Variants in CHCHD3 observed in about 807,000 individuals in gnomAD.
CHCHD3 encodes MICOS complex subunit MIC19.
In CHCHD3, 20 loss-of-function variants were observed where a neutral mutation model predicts 38.2. That is an observed-to-expected ratio of 0.52 (90% CI 0.37 to 0.76). The LOEUF (loss-of-function observed/expected upper bound fraction) is 0.76. Among genes scored for constraint, CHCHD3 ranks in the 30% least tolerant of loss-of-function variants. The pLI, the probability that CHCHD3 is intolerant of heterozygous loss-of-function variation, is 0.00. For missense variants in CHCHD3, 245 were observed against 279.2 expected, an observed-to-expected ratio of 0.88 and a Z score of 0.87; for synonymous variants, 82 against 100.0, an observed-to-expected ratio of 0.82 and a Z score of 1.07.
At chr7:133,052,279 A>G (rs1007529730) in intron 2 of CHCHD3, among the ~76,000 whole-genome samples, 2 of 152,142 alleles carry the variant, frequency 1.3e-5, no homozygotes, top group Non-Finnish European at 2.9e-5. Context: ...CACAGCATCA[A>G]AGTATTTCCA....
intron 1 of CHCHD3, among the ~76,000 whole-genome samples, chr7:133,074,572 G>A (rs1814921921): frequency 1.3e-5 from 2 of 152,108 alleles, no homozygotes; most frequent in Non-Finnish European, 2.9e-5. Context: ...GTTACTGGCA[G>A]CATCAAGACC....
intron 2 of CHCHD3, among the ~76,000 whole-genome samples, chr7:133,031,026 G>A (rs1813486497): frequency 6.6e-6 from 1 of 152,116 alleles, no homozygotes; most frequent in Admixed American, 6.5e-5. Flanking sequence ...TTTAAGGTTT[G>A]CCTAGGAATC....
At chr7:132,855,825 C>T (rs1475349393) in intron 5 of CHCHD3, among the ~76,000 whole-genome samples, 1 of 130,698 alleles carries the variant, frequency 7.7e-6, no homozygotes, top group Admixed American at 9.5e-5. Flanking sequence ...GCAGTTCATT[C>T]ATGTGGTACT....
intron 5 of CHCHD3, among the ~76,000 whole-genome samples, chr7:132,842,701 G>A (rs1184900754): frequency 3.9e-5 from 6 of 152,106 alleles, no homozygotes; most frequent in Middle Eastern, 3.2e-3. Flanking sequence ...CTCACCTGGC[G>A]TTTTCTCATG....
chr7:132,842,973 C>A (rs1212240614), intron 5 of CHCHD3, among the ~76,000 whole-genome samples: 1 of 152,102 alleles, frequency 6.6e-6, no homozygotes, highest in African/African-American at 2.4e-5. Flanking sequence ...TTTTGGTATC[C>A]ACTGGCGAGT....
chr7:133,052,770 T>C (rs941489215), intron 2 of CHCHD3, among the ~76,000 whole-genome samples: 5 of 152,132 alleles, frequency 3.3e-5, no homozygotes, highest in African/African-American at 9.7e-5. Flanking sequence ...TCACAAGACA[T>C]ATGGAAAACC....
intron 7 of CHCHD3, among the ~76,000 whole-genome samples, chr7:132,790,273 A>G (rs1378011047): frequency 1.3e-5 from 2 of 152,252 alleles, no homozygotes; most frequent in African/African-American, 4.8e-5. Context: ...GCTGGCTGCA[A>G]TAACAGACAA....
intron 4 of CHCHD3, among the ~76,000 whole-genome samples, chr7:132,932,174 C>T (rs758791822): frequency 5.9e-5 from 9 of 152,188 alleles, no homozygotes; most frequent in Non-Finnish European, 1.3e-4. Context: ...ATCAATCCAA[C>T]ATGGCCGGGC....
intron 5 of CHCHD3, among the ~76,000 whole-genome samples, chr7:132,857,079 A>G (rs766273657): frequency 6.6e-6 from 1 of 152,238 alleles, no homozygotes; most frequent in Non-Finnish European, 1.5e-5. Flanking sequence ...GTGGGCTATC[A>G]TCTGGTGAAC....
intron 3 of CHCHD3, among the ~76,000 whole-genome samples, chr7:133,002,590 CTG>C (rs962370805): frequency 1.8e-4 from 28 of 151,404 alleles, no homozygotes; most frequent in African/African-American, 6.8e-4. Context: ...AAGGTAAGCA[CTG>C]TTAAAAAAAA....
intron 6 of CHCHD3, among the ~76,000 whole-genome samples, chr7:132,814,321 A>C (rs1807146509): frequency 6.6e-6 from 1 of 152,212 alleles, no homozygotes; most frequent in African/African-American, 2.4e-5. Flanking sequence ...GTAACATTTC[A>C]GTTTATTCAT....
chr7:132,861,842 A>C (rs1808497715), intron 5 of CHCHD3, among the ~76,000 whole-genome samples: 1 of 152,190 alleles, frequency 6.6e-6, no homozygotes. Context: ...AAAATGTATA[A>C]ATTATTATCA....
chr7:132,838,872 T>C (rs913482505), intron 5 of CHCHD3, among the ~76,000 whole-genome samples: 18 of 152,160 alleles, frequency 1.2e-4, no homozygotes, highest in African/African-American at 4.3e-4. Flanking sequence ...CCTACTAGGA[T>C]ATTAAAGATC....
At chr7:133,012,182 C>A (rs1812894801) in intron 3 of CHCHD3, among the ~76,000 whole-genome samples, 1 of 152,160 alleles carries the variant, frequency 6.6e-6, no homozygotes, top group Non-Finnish European at 1.5e-5. Context: ...ATTATAGAAA[C>A]CCACTTGGGC....
chr7:132,911,296 T>A (rs1809942715), intron 4 of CHCHD3, among the ~76,000 whole-genome samples: 1 of 152,122 alleles, frequency 6.6e-6, no homozygotes, highest in Non-Finnish European at 1.5e-5. Flanking sequence ...GCCACCCCCA[T>A]CTACAAAGAG....
intron 3 of CHCHD3, among the ~76,000 whole-genome samples, chr7:132,983,015 G>A (rs1022049798): frequency 3.9e-5 from 6 of 151,960 alleles, no homozygotes; most frequent in South Asian, 2.1e-4. Flanking sequence ...AAATATATAC[G>A]AATCTATTAT....
At chr7:132,994,906 C>CT (rs1320321358) in intron 3 of CHCHD3, among the ~76,000 whole-genome samples, 4 of 152,180 alleles carry the variant, frequency 2.6e-5, no homozygotes, top group African/African-American at 9.6e-5. Context: ...CCCACCATGC[C>CT]TGCTCCACAG....
intron 4 of CHCHD3, among the ~76,000 whole-genome samples, chr7:132,912,064 T>C (rs1490049411): frequency 6.6e-6 from 1 of 152,218 alleles, no homozygotes; most frequent in African/African-American, 2.4e-5. Context: ...CTTCACCCTC[T>C]GTAAGCAACT....
intron 2 of CHCHD3, among the ~76,000 whole-genome samples, chr7:133,032,863 C>G (rs890881731): frequency 2.0e-5 from 3 of 152,018 alleles, no homozygotes; most frequent in Non-Finnish European, 4.4e-5. Flanking sequence ...TGATACATAG[C>G]TTAATTTTTT....
Sources: allele counts gnomAD v4.1 joint callset (sites outside exome capture counted in the v4.1 genomes callset), GRCh38; gene constraint gnomAD v4.1.1; transcripts MANE v1.5; gene names NCBI Gene and HGNC (gene_info 2026-07-23, HGNC 2026-07-21).